PI4KA: variants seen among roughly 807,000 people sequenced by gnomAD.
The protein encoded by PI4KA is PI4-kinase alpha.
Under a neutral mutation model 271.4 loss-of-function variants are expected in PI4KA, and 122 were observed. The ratio of observed to expected loss-of-function variants is 0.45; its 90% CI spans 0.39 to 0.52. The LOEUF (loss-of-function observed/expected upper bound fraction) is 0.52. PI4KA is among the 20% of genes least tolerant of loss of function. The probability of loss-of-function intolerance (pLI) is 0.00; values close to 1 mark genes in which losing one functional copy is unlikely to be tolerated. For synonymous variants in PI4KA, 1,041 were observed against 1,078.8 expected (o/e 0.96, Z 0.69); for missense variants, 1,969 against 2,769.1 (o/e 0.71, Z 6.48).
At chr22:20,800,945 C>T (rs1601528352) in intron 14 of PI4KA, among the ~76,000 whole-genome samples, 3 of 147,530 alleles carry the variant, frequency 2.0e-5, no homozygotes, top group African/African-American at 5.0e-5. Flanking sequence ...GGCTGGAGTG[C>T]AATGGTACAA....
intron 7 of PI4KA, among the ~76,000 whole-genome samples, chr22:20,815,379 C>CAAAAAAAAA (rs361826): frequency 3.0e-4 from 25 of 83,918 alleles, no homozygotes; most frequent in Admixed American, 4.0e-4. Flanking sequence ...GACTGCGTCT[C>CAAAAAAAAA]AAAAAAAAAA....
In PI4KA at chr22:20,858,750, C is replaced by A. The variant is rs1163085425; in HGVS notation, c.-25G>T. 1.5e-6 allele frequency: 2 copies of A among 1,367,774 alleles called. No homozygotes were observed. Among genetic ancestry groups the A allele is most frequent in the Admixed American group, 3.1e-5 (1 of 32,398 alleles). 84.7% of individuals were successfully genotyped at this position (1,367,774 alleles called of 1,614,324 possible). Reference sequence around the variant, plus strand: ...TCACCTCACGAGCCGCGGCGCTGCCCGCCGGCTCCCCGCTCCTGGCCCGCG... The same window carrying A: ...TCACCTCACGAGCCGCGGCGCTGCCAGCCGGCTCCCCGCTCCTGGCCCGCG... On this transcript the variant is annotated 5_prime_UTR_variant, in exon 1 of 55. Transcript: ENST00000255882.
At chr22:20,760,260 A>G (rs1341740720) in intron 23 of PI4KA, among the ~76,000 whole-genome samples, 1 of 152,216 alleles carries the variant, frequency 6.6e-6, no homozygotes, top group Non-Finnish European at 1.5e-5. Flanking sequence ...ACATGATTTC[A>G]TCATAATTAC....
chr22:20,764,678 G>A (rs1248071823), intron 22 of PI4KA, 139 bp downstream of exon 22: 1 of 803,102 alleles, frequency 1.2e-6, no homozygotes, highest in Admixed American at 3.1e-5. Flanking sequence ...GAAAAGTAGA[G>A]GGTGTTTTTG....
intron 19 of PI4KA, among the ~76,000 whole-genome samples, chr22:20,777,493 C>A (rs1168830639): frequency 6.6e-6 from 1 of 152,190 alleles, no homozygotes; most frequent in African/African-American, 2.4e-5. Context: ...GCTGGGATTA[C>A]TGACCTGAGC....
chr22:20,824,411 G>C lies in PI4KA; in HGVS notation c.371C>G (p.Ala124Gly). 2 of 1,610,292 alleles carry C rather than the reference G, an allele frequency of 1.2e-6. No individual in the cohort carries two copies. The highest frequency in any genetic ancestry group is 8.5e-7 in the Non-Finnish European group (1 of 1,177,474). ...EESTARKGRG[A>G]LPVAESFSFC... The stretch of plus-strand genomic sequence containing the variant: ...GCTGAAGCTCTCTGCAACCGGGAGG[G>C]CACCTGGAAGATGTAAAAACATAAA... Residue 124 changes from alanine to glycine, a missense_variant, in exon 4 of 55, where the codon GCC becomes GGC. By Grantham distance (60) the Ala-to-Gly change is moderately conservative. Coordinates refer to ENST00000255882, the MANE Select transcript of PI4KA (RefSeq NM_058004.4).
chr22:20,835,640 G>T (rs1291419180), intron 2 of PI4KA, among the ~76,000 whole-genome samples: 1 of 152,172 alleles, frequency 6.6e-6, no homozygotes, highest in African/African-American at 2.4e-5. Context: ...GCTGGGGTGG[G>T]AGGATCGCTT....
chr22:20,836,065 A>AAAACGAAACG (rs1924828395), intron 2 of PI4KA, among the ~76,000 whole-genome samples: 1 of 151,560 alleles, frequency 6.6e-6, no homozygotes, highest in Non-Finnish European at 1.5e-5. Context: ...AAAACAAAAC[A>AAAACGAAACG]AAACAAAACA....
At chr22:20,759,984 G>C (rs1449541841) in intron 23 of PI4KA, among the ~76,000 whole-genome samples, 1 of 152,132 alleles carries the variant, frequency 6.6e-6, no homozygotes, top group African/African-American at 2.4e-5. Flanking sequence ...ACAGCTGTGA[G>C]CCACTGTGCC....
At chr22:20,775,194 GA>G (rs797021350) in intron 19 of PI4KA, among the ~76,000 whole-genome samples, 56 of 138,634 alleles carry the variant, frequency 4.0e-4, no homozygotes, top group Middle Eastern at 3.7e-3. Context: ...AAGTTCCCAG[GA>G]AAAAAAAAAA....
At chr22:20,852,807 G>T (rs1378814298) in intron 1 of PI4KA, among the ~76,000 whole-genome samples, 1 of 152,112 alleles carries the variant, frequency 6.6e-6, no homozygotes, top group Non-Finnish European at 1.5e-5. Flanking sequence ...GAATAACCAT[G>T]AACTCCAGAA....
intron 22 of PI4KA, among the ~76,000 whole-genome samples, chr22:20,761,987 T>C (rs1250276003): frequency 6.6e-6 from 1 of 152,230 alleles, no homozygotes; most frequent in Non-Finnish European, 1.5e-5. Flanking sequence ...TCTACAAAAG[T>C]GATACCTGTA....
chr22:20,746,665 C>A (rs1212959431), intron 29 of PI4KA, among the ~76,000 whole-genome samples: 1 of 152,262 alleles, frequency 6.6e-6, no homozygotes, highest in Non-Finnish European at 1.5e-5. Flanking sequence ...GGCACTGATA[C>A]CTGGTGCCCC....
intron 42 of PI4KA, among the ~76,000 whole-genome samples, chr22:20,723,360 T>A (rs181012291): frequency 6.6e-6 from 1 of 152,218 alleles, no homozygotes; most frequent in East Asian, 1.9e-4. Flanking sequence ...CAAATATGTA[T>A]ATACATTTGT....
intron 19 of PI4KA, among the ~76,000 whole-genome samples, chr22:20,770,599 C>CACAA (rs1932831604): frequency 6.9e-6 from 1 of 143,992 alleles, no homozygotes; most frequent in South Asian, 2.2e-4. Context: ...CACACACACA[C>CACAA]ACACACACAC....
chr22:20,711,938 T>C (rs1925336285), intron 50 of PI4KA, among the ~76,000 whole-genome samples: 1 of 151,580 alleles, frequency 6.6e-6, no homozygotes, highest in Non-Finnish European at 1.5e-5. Context: ...AGAGATGGGG[T>C]TTCACCATGT....
At chr22:20,759,397 C>CTTTTTT (rs1931708787) in intron 23 of PI4KA, among the ~76,000 whole-genome samples, 1 of 125,416 alleles carries the variant, frequency 8.0e-6, no homozygotes, top group African/African-American at 3.0e-5. Flanking sequence ...TTTTTCTTTT[C>CTTTTTT]TTTTCTTTTT....
intron 19 of PI4KA, among the ~76,000 whole-genome samples, chr22:20,782,140 TA>T (rs1385816076): frequency 6.6e-6 from 1 of 152,222 alleles, no homozygotes; most frequent in Non-Finnish European, 1.5e-5. Flanking sequence ...TCCTCCAACC[TA>T]CTGGTCTGTT....
At position 20,747,627 on chromosome 22, in the gene PI4KA, T is replaced by A. The variant is rs772269237; in HGVS notation, c.3319A>T (p.Ile1107Phe). The A allele has an allele frequency of 1.9e-6, 3 of 1,614,102 alleles. No individual in the cohort carries two copies. Among genetic ancestry groups the A allele is most frequent in the East Asian group, 2.2e-5 (1 of 44,866 alleles). ...TTGTTGTAGCCAGCAAAGTGAAGGA[T>A]GCTCTCAGTGGCCATGGCCAGCCCC... Reference protein sequence around the residue: ...HTGLAMATESILHFAGYNKQN... With the variant: ...HTGLAMATESFLHFAGYNKQN... Residue 1107 changes from isoleucine (I) to phenylalanine (F), a missense_variant, in exon 29 of 55, where the codon ATC (isoleucine) becomes TTC (phenylalanine). Coordinates refer to ENST00000255882, the MANE Select transcript of PI4KA (RefSeq NM_058004.4).
Sources: allele counts gnomAD v4.1 joint callset (sites outside exome capture counted in the v4.1 genomes callset), GRCh38; gene constraint gnomAD v4.1.1; transcripts MANE v1.5; gene names NCBI Gene and HGNC (gene_info 2026-07-23, HGNC 2026-07-21).